The following GALNT7 variants were observed in gnomAD, a reference collection of about 807,000 sequenced individuals.
The protein encoded by GALNT7 is polypeptide N-acetylgalactosaminyltransferase 7, also known as N-acetylgalactosaminyltransferase 7.
GALNT7 carries 60 observed loss-of-function variants against 82.1 expected under a neutral mutation model. That is an observed-to-expected ratio of 0.73 (90% CI 0.59 to 0.91). The LOEUF (loss-of-function observed/expected upper bound fraction) is 0.91. Ranked by LOEUF, GALNT7 falls within the 40% of genes least tolerant of loss-of-function variation. GALNT7 has a pLI of 0.00. For missense variants in GALNT7, 660 were observed against 804.2 expected (o/e 0.82, Z 2.17); for synonymous variants, 243 against 275.1 (o/e 0.88, Z 1.15).
chr4:173,184,565 C>CA (rs1732406822), intron 1 of GALNT7, among the ~76,000 whole-genome samples: 1 of 142,870 alleles, frequency 7.0e-6, no homozygotes, highest in Non-Finnish European at 1.5e-5. Context: ...CCAGCCTCGG[C>CA]TCGGCATCAG....
At chr4:173,200,954 A>G (rs1732927181) in intron 1 of GALNT7, among the ~76,000 whole-genome samples, 2 of 152,340 alleles carry the variant, frequency 1.3e-5, no homozygotes, top group South Asian at 4.1e-4. Context: ...CATTTATGGA[A>G]TAGGGATTAC....
chr4:173,202,540 C>T (rs768560522), intron 1 of GALNT7, among the ~76,000 whole-genome samples: 7 of 152,164 alleles, frequency 4.6e-5, no homozygotes, highest in Non-Finnish European at 8.8e-5. Context: ...TTTTCTGTCT[C>T]CTCAATCCTT....
At chr4:173,319,671 T>G (rs149737827) in intron 11 of GALNT7, among the ~76,000 whole-genome samples, 1 of 152,294 alleles carries the variant, frequency 6.6e-6, no homozygotes, top group African/African-American at 2.4e-5. Flanking sequence ...TTAGGTATTT[T>G]AAAGACGCAG....
At position 173,295,518 on chromosome 4, in the gene GALNT7, C is replaced by G. The variant is rs372441092; in HGVS notation, c.877C>G (p.Leu293Val). The change falls in exon 4 of 12, where the codon CTT becomes GTT. Residue 293 changes from leucine to valine, a missense_variant. Transcript: ENST00000265000. ...AAGTATTGGTGCTCAGAAGGCTAAA[C>G]TTGGACAGGTAGGAAGCATTTGATA... ...ARSIGAQKAK[L>V]GQVLIYLDAH... is the part of the protein sequence containing the mutation. 3 of 1,613,448 alleles carry G rather than the reference C, an allele frequency of 1.9e-6. No individual in the cohort carries two copies. Among genetic ancestry groups the G allele is most frequent in the Non-Finnish European group, 2.5e-6 (3 of 1,179,660 alleles).
At chr4:173,181,263 G>A (rs575147877) in intron 1 of GALNT7, among the ~76,000 whole-genome samples, 10 of 152,120 alleles carry the variant, frequency 6.6e-5, no homozygotes, top group Non-Finnish European at 1.3e-4. Context: ...GCTGGAATGG[G>A]GATATACAGG....
At chr4:173,202,805 C>A (rs1405743878) in intron 1 of GALNT7, among the ~76,000 whole-genome samples, 1 of 152,140 alleles carries the variant, frequency 6.6e-6, no homozygotes, top group South Asian at 2.1e-4. Context: ...GTCTGTCTCT[C>A]CCTTCACATC....
intron 8 of GALNT7, among the ~76,000 whole-genome samples, chr4:173,310,643 T>TAA (rs1035125360): frequency 3.9e-5 from 6 of 152,228 alleles, no homozygotes; most frequent in Admixed American, 3.9e-4. Flanking sequence ...GTACCAGGCA[T>TAA]AAATCTAAAT....
chr4:173,321,600 T>C lies in GALNT7; in HGVS notation c.1857T>C (p.His619=), dbSNP rs1364701972. The change falls in exon 12 of 12, where the codon CAT becomes CAC. Residue 619 remains histidine (H), a synonymous_variant. Coordinates refer to ENST00000265000, the MANE Select transcript of GALNT7 (RefSeq NM_017423.3). ...TCCAGAACCTGCACAGATTTACTCA[T>C]ATTCCTTCAGGAAAGTGTTTAGATC... ...QYFKNLHRFT[H]IPSGKCLDRS... is the part of the protein sequence containing the mutation. 1 of 1,612,138 alleles carries C rather than the reference T, an allele frequency of 6.2e-7. No individual in the cohort carries two copies. Among genetic ancestry groups the C allele is most frequent in the Non-Finnish European group, 8.5e-7 (1 of 1,178,322 alleles).
At chr4:173,256,270 A>C (rs72999525) in intron 2 of GALNT7, among the ~76,000 whole-genome samples, 1 of 151,202 alleles carries the variant, frequency 6.6e-6, no homozygotes, top group African/African-American at 2.5e-5. Flanking sequence ...TGATTGATGA[A>C]GAAGGCCATC....
chr4:173,255,031 C>A (rs1164974837), intron 2 of GALNT7, among the ~76,000 whole-genome samples: 1 of 152,202 alleles, frequency 6.6e-6, no homozygotes, highest in East Asian at 1.9e-4. Flanking sequence ...TTCTGGCTAA[C>A]AACAGATGCA....
intron 1 of GALNT7, among the ~76,000 whole-genome samples, chr4:173,235,172 T>C (rs1299964981): frequency 3.9e-5 from 6 of 152,212 alleles, no homozygotes; most frequent in African/African-American, 1.4e-4. Context: ...CACTCTGGCC[T>C]GTTTCCAGGT....
intron 1 of GALNT7, among the ~76,000 whole-genome samples, chr4:173,224,434 A>G (rs1159245265): frequency 6.6e-6 from 1 of 152,154 alleles, no homozygotes; most frequent in Admixed American, 6.5e-5. Context: ...GTATAAATCA[A>G]GCTCTAAGTG....
intron 1 of GALNT7, among the ~76,000 whole-genome samples, chr4:173,191,063 GAA>G (rs113249937): frequency 0.02 from 2,755 of 140,528 alleles, 82 homozygotes; most frequent in Admixed American, 0.071. Context: ...TTGGAGGACT[GAA>G]AAAAAAAAAA....
At chr4:173,220,384 G>T (rs1331630490) in intron 1 of GALNT7, among the ~76,000 whole-genome samples, 1 of 152,022 alleles carries the variant, frequency 6.6e-6, no homozygotes, top group African/African-American at 2.4e-5. Context: ...TTGCTGTTTT[G>T]GTGACTGTGA....
At chr4:173,243,982 A>G (rs1734525411) in intron 1 of GALNT7, among the ~76,000 whole-genome samples, 1 of 152,196 alleles carries the variant, frequency 6.6e-6, no homozygotes, top group Non-Finnish European at 1.5e-5. Flanking sequence ...GTGCCAGGAT[A>G]AGCACTGGGC....
chr4:173,207,623 C>A (rs1046760570), intron 1 of GALNT7, among the ~76,000 whole-genome samples: 1 of 152,126 alleles, frequency 6.6e-6, no homozygotes, highest in Admixed American at 6.6e-5. Context: ...TCTTTGTGCA[C>A]CTTCTTAAAT....
chr4:173,246,841 G>T (rs776335257), intron 1 of GALNT7, among the ~76,000 whole-genome samples: 3 of 152,128 alleles, frequency 2.0e-5, no homozygotes, highest in African/African-American at 4.8e-5. Flanking sequence ...TGACTACTCT[G>T]TTGGGGAATC....
At chr4:173,174,960 G>A (rs910625639) in intron 1 of GALNT7, among the ~76,000 whole-genome samples, 3 of 152,204 alleles carry the variant, frequency 2.0e-5, no homozygotes, top group African/African-American at 4.8e-5. Context: ...TTAGACAATA[G>A]TAAATTGGAG....
rs566880687 is a variant in GALNT7, at chr4:173,228,602, T to C, written c.127-19378T>C. Among the ~76,000 whole-genome samples, 8 of 152,250 alleles carry C rather than the reference T, an allele frequency of 5.3e-5. No individual in the cohort carries two copies. The South Asian group carries it at 1.5e-3, about 28-fold the overall frequency. On this transcript the variant is annotated intron_variant, in intron 1 of 11. Coordinates refer to ENST00000265000, the MANE Select transcript of GALNT7 (RefSeq NM_017423.3). ...TGTAATTAGAATTGTGTCCCTAGAATATATTCACAGGTCTGAAATTTTGCA... is the reference window on the plus strand; with the variant it reads ...TGTAATTAGAATTGTGTCCCTAGAACATATTCACAGGTCTGAAATTTTGCA...
Sources: gnomAD v4.1 joint callset for allele counts (sites outside exome capture counted in the v4.1 genomes callset) on GRCh38, gnomAD v4.1.1 for gene constraint, MANE v1.5 for transcripts, NCBI Gene and HGNC (gene_info 2026-07-23, HGNC 2026-07-21) for gene names.